DISP1: variants seen among roughly 807,000 people sequenced by gnomAD.
The protein encoded by DISP1 is protein dispatched homolog 1.
In DISP1, 30 loss-of-function variants were observed where a neutral mutation model predicts 37.3. The observed-to-expected ratio is 0.80, with a 90% CI of 0.60 to 1.09. The LOEUF (loss-of-function observed/expected upper bound fraction) is 1.09. Ranked by LOEUF, DISP1 falls within the 50% of genes least tolerant of loss-of-function variation. The pLI, the probability that DISP1 is intolerant of heterozygous loss-of-function variation, is 0.00. For synonymous variants in DISP1, 634 were observed against 690.2 expected (o/e 0.92, Z 1.28); for missense variants, 1,598 against 1,879.5 (o/e 0.85, Z 2.77).
chr1:222,949,782 A>C (rs1675075665), intron 3 of DISP1, among the ~76,000 whole-genome samples: 1 of 151,918 alleles, frequency 6.6e-6, no homozygotes, highest in African/African-American at 2.4e-5. Flanking sequence ...GCACACCACC[A>C]CGCCCAGCTA....
At chr1:222,876,488 T>C (rs1328090587) in intron 1 of DISP1, among the ~76,000 whole-genome samples, 1 of 152,168 alleles carries the variant, frequency 6.6e-6, no homozygotes, top group African/African-American at 2.4e-5. Flanking sequence ...TGCAGCACTG[T>C]CTATAATTTT....
At chr1:223,002,269 T>G in intron 8 of DISP1, 116 bp from the exon 9 acceptor site, 1 of 996,126 alleles carries the variant, frequency 1.0e-6, no homozygotes, top group Non-Finnish European at 1.6e-6. Context: ...GGATAATTAT[T>G]TAGCTTTTGT....
chr1:222,978,870 A>T (rs1052866483), intron 3 of DISP1, among the ~76,000 whole-genome samples: 7 of 152,178 alleles, frequency 4.6e-5, no homozygotes, highest in African/African-American at 1.7e-4. Context: ...GTTCTGTTCC[A>T]TTGGTCTATC....
intron 1 of DISP1, among the ~76,000 whole-genome samples, chr1:222,850,042 T>A (rs941434576): frequency 1.4e-4 from 21 of 152,168 alleles, no homozygotes; most frequent in Admixed American, 2.6e-4. Context: ...TGAACAGTAT[T>A]CTAAACATTT....
chr1:222,969,488 G>A (rs1676772096), intron 3 of DISP1, among the ~76,000 whole-genome samples: 1 of 151,760 alleles, frequency 6.6e-6, no homozygotes, highest in Non-Finnish European at 1.5e-5. Context: ...CCACAATTGG[G>A]GATGTTTCCT....
At chr1:222,899,679 A>G (rs1458703000) in intron 1 of DISP1, 1 of 152,258 alleles carries the variant, frequency 6.6e-6, no homozygotes, top group Non-Finnish European at 1.5e-5. Flanking sequence ...CCTGGGCTCA[A>G]GGGATCCTCC....
chr1:222,957,482 G>A (rs150010280), intron 3 of DISP1, among the ~76,000 whole-genome samples: 8,894 of 152,164 alleles, frequency 0.058, 835 homozygotes, highest in African/African-American at 0.2. Flanking sequence ...CCAGCTACTC[G>A]GGAAGCTGAG....
chr1:222,951,366 CAA>C (rs11296425), intron 3 of DISP1, among the ~76,000 whole-genome samples: 54 of 145,574 alleles, frequency 3.7e-4, no homozygotes, highest in South Asian at 8.7e-4. Context: ...TCTTTTAAAA[CAA>C]AAAAAAAAAA....
intron 3 of DISP1, among the ~76,000 whole-genome samples, chr1:222,975,716 G>T (rs1677266743): frequency 1.3e-5 from 2 of 152,260 alleles, no homozygotes; most frequent in Non-Finnish European, 2.9e-5. Flanking sequence ...CAGTTCACTG[G>T]TCATCAGAGT....
intron 1 of DISP1, chr1:222,835,287 A>T (rs1435815058): frequency 6.6e-6 from 1 of 152,234 alleles, no homozygotes; most frequent in African/African-American, 2.4e-5. Flanking sequence ...CTTGACAGAT[A>T]ATTAATGGTT....
intron 3 of DISP1, among the ~76,000 whole-genome samples, chr1:222,950,456 T>C (rs1675129819): frequency 6.6e-6 from 1 of 151,822 alleles, no homozygotes; most frequent in Non-Finnish European, 1.5e-5. Context: ...AAAAATTAGC[T>C]GGGCGTGGTG....
chr1:222,859,169 A>G (rs748752237), intron 1 of DISP1, among the ~76,000 whole-genome samples: 3 of 152,246 alleles, frequency 2.0e-5, no homozygotes, highest in Non-Finnish European at 4.4e-5. Context: ...GAATGAGATC[A>G]TGTCTTTTGC....
At chr1:222,927,123 T>G (rs939524862) in intron 1 of DISP1, among the ~76,000 whole-genome samples, 2 of 152,062 alleles carry the variant, frequency 1.3e-5, no homozygotes, top group African/African-American at 4.8e-5. Context: ...TTTTTTTTTT[T>G]TGCAGAAGCT....
chr1:222,943,165 G>A lies in DISP1; in HGVS notation c.342G>A (p.Ser114=), dbSNP rs374294853. The A allele has an allele frequency of 2.1e-5, 34 of 1,611,642 alleles. No homozygotes were observed. Among genetic ancestry groups the A allele is most frequent in the African/African-American group, 1.3e-4 (10 of 74,990 alleles). The part of the protein sequence containing the change: ...AGPAAPSALA[S]CCMQPHSEYS... ...CTGCAGCACCCTCTGCTTTGGCCTC[G>A]TGTTGCATGCAGCCACACTCCGAGT... The change falls in exon 3 of 9, where the codon TCG becomes TCA. Residue 114 remains serine, a synonymous_variant. Coordinates refer to ENST00000675850, the MANE Select transcript of DISP1 (RefSeq NM_001377229.1).
intron 1 of DISP1, among the ~76,000 whole-genome samples, chr1:222,830,005 A>G (rs1665343504): frequency 6.6e-6 from 1 of 152,148 alleles, no homozygotes; most frequent in Non-Finnish European, 1.5e-5. Flanking sequence ...GATAGAAAAG[A>G]TGAGGATTTG....
chr1:222,846,363 T>A (rs141271041), intron 1 of DISP1, among the ~76,000 whole-genome samples: 2 of 152,286 alleles, frequency 1.3e-5, no homozygotes. Context: ...TGGTGGCGCA[T>A]GCCTGTAATC....
chr1:222,873,487 G>T (rs920540505), intron 1 of DISP1, among the ~76,000 whole-genome samples: 1 of 152,166 alleles, frequency 6.6e-6, no homozygotes, highest in African/African-American at 2.4e-5. Context: ...ATTTAGGATA[G>T]TTAGCTCTTC....
chr1:222,950,367 G>A (rs980760664), intron 3 of DISP1, among the ~76,000 whole-genome samples: 2 of 152,160 alleles, frequency 1.3e-5, no homozygotes, highest in African/African-American at 2.4e-5. Flanking sequence ...TTGGGAAGCC[G>A]AGGCAGGCGG....
At chr1:222,941,885 T>C (rs1377573097) in intron 2 of DISP1, among the ~76,000 whole-genome samples, 2 of 151,886 alleles carry the variant, frequency 1.3e-5, no homozygotes, top group Non-Finnish European at 2.9e-5. Flanking sequence ...TTTATGTATA[T>C]GTTGAATAGA....
Sources: gnomAD v4.1 joint callset for allele counts (sites outside exome capture counted in the v4.1 genomes callset) on GRCh38, gnomAD v4.1.1 for gene constraint, MANE v1.5 for transcripts, NCBI Gene and HGNC (gene_info 2026-07-23, HGNC 2026-07-21) for gene names.